The following PRKCG variants were observed in gnomAD, a reference collection of about 807,000 sequenced individuals.
The protein encoded by PRKCG is protein kinase C gamma.
Under a neutral mutation model 82.0 loss-of-function variants are expected in PRKCG, and 28 were observed. That is an observed-to-expected ratio of 0.34 (90% CI 0.25 to 0.47). The LOEUF (loss-of-function observed/expected upper bound fraction) is 0.47, where lower values mean the gene tolerates loss of function less well. Ranked by LOEUF, PRKCG falls within the 20% of genes least tolerant of loss-of-function variation. The pLI, the probability that PRKCG is intolerant of heterozygous loss-of-function variation, is 1.00. For missense variants in PRKCG, 640 were observed against 952.7 expected (o/e 0.67, Z 4.32); for synonymous variants, 383 against 376.6 (o/e 1.02, Z -0.20).
chr19:53,898,782 CGG>C (rs398101280), intron 11 of PRKCG, among the ~76,000 whole-genome samples, 154 bp downstream of exon 11: 2 of 30,086 alleles, frequency 6.6e-5, no homozygotes, highest in African/African-American at 2.8e-4. Flanking sequence ...GGGGCGTGGC[CGG>C]GGGGGGGTCC....
chr19:53,906,276 C>CT (rs2068809847), intron 16 of PRKCG, 41 bp from the exon 17 acceptor site: 1 of 1,545,864 alleles, frequency 6.5e-7, no homozygotes, highest in East Asian at 2.7e-5. Context: ...GTCCGGCACT[C>CT]TGTCTGTTTG....
intron 16 of PRKCG, among the ~76,000 whole-genome samples, chr19:53,905,520 A>C (rs2068795701): frequency 6.7e-6 from 1 of 149,090 alleles, no homozygotes; most frequent in Non-Finnish European, 1.5e-5. Flanking sequence ...TCTCTTTCTG[A>C]ATCTCTGTCC....
Position 53,900,733 on chromosome 19 carries a change from A to G in PRKCG, c.1559A>G (p.Asp520Gly). 2 of 1,614,184 alleles carry G rather than the reference A, an allele frequency of 1.2e-6. No individual in the cohort carries two copies. The highest frequency in any genetic ancestry group is 1.7e-6 in the Non-Finnish European group (2 of 1,180,036). ...TTTRTFCGTP[D>G]YIAPEIIAYQ... Reference sequence around the variant, plus strand: ...ACCCGCACCTTCTGCGGGACCCCGGACTACATAGCCCCGGAGGTAACCCCA... The same window carrying G: ...ACCCGCACCTTCTGCGGGACCCCGGGCTACATAGCCCCGGAGGTAACCCCA... The change falls in exon 14 of 18, where the codon GAC (aspartate) becomes GGC (glycine). Residue 520 changes from aspartate to glycine, a missense_variant. Physicochemically the swap from Asp to Gly is moderately conservative, Grantham distance 94 (BLOSUM62 -1). Transcript: ENST00000263431. This position sits in a 1 kb window ranked among gnomAD's most constrained non-coding sequence, Gnocchi z 4.2.
chr19:53,893,393 TGA>T lies in PRKCG; in HGVS notation c.939+4_939+5del, dbSNP rs780216789. On this transcript the variant is annotated splice_donor_region_variant and intron_variant, in intron 9 of 17. Transcript: ENST00000263431. Reference sequence around the variant, plus strand: ...AACTACCCCCTGGAATTGTATGAGGTGAGTAGAACCAGGGCGTTGAATGGAGG... The same window carrying T: ...AACTACCCCCTGGAATTGTATGAGGTGTAGAACCAGGGCGTTGAATGGAGG... The T allele has an allele frequency of 6.2e-7, 1 of 1,613,356 alleles. No individual in the cohort carries two copies. Among genetic ancestry groups the T allele is most frequent in the Admixed American group, 1.7e-5 (1 of 60,018 alleles).
Position 53,893,050 on chromosome 19 carries a change from A to C in PRKCG, c.884A>C (p.Asn295Thr). The stretch of plus-strand genomic sequence containing the variant: ...AATGTGCCGGTGGCCGATGCTGACA[A>C]CTGCAGCCTCCTCCAGAAGTTTGAG... ...YYNVPVADAD[N>T]CSLLQKFEAC... is the part of the protein sequence containing the mutation. Residue 295 changes from asparagine to threonine, a missense_variant, in exon 8 of 18, where the codon AAC becomes ACC. Around this residue, in one of 7 missense-constraint regions of PRKCG, gnomAD observed 261 missense variants for 312.1 expected, o/e 0.84. Transcript: ENST00000263431. 6.2e-7 allele frequency: 1 copy of C among 1,613,844 alleles called. No homozygotes were observed. The highest frequency in any genetic ancestry group is 8.5e-7 in the Non-Finnish European group (1 of 1,179,918).
intron 9 of PRKCG, among the ~76,000 whole-genome samples, chr19:53,895,744 C>G (rs1377139000): frequency 6.6e-6 from 1 of 152,130 alleles, no homozygotes; most frequent in African/African-American, 2.4e-5. Context: ...TCAGGTGATC[C>G]TTTTGCAAAG....
At chr19:53,887,056 G>A (rs985527718) in intron 3 of PRKCG, among the ~76,000 whole-genome samples, 3 of 151,968 alleles carry the variant, frequency 2.0e-5, no homozygotes, top group African/African-American at 7.2e-5. Context: ...TGCATCACTC[G>A]GGGGTTTTTT....
At position 53,892,791 on chromosome 19, in the gene PRKCG, C is replaced by T. The variant is rs1268029690; in HGVS notation, c.821+148C>T. The T allele has an allele frequency of 1.5e-5, 12 of 812,100 alleles. No homozygotes were observed. Among genetic ancestry groups the T allele is most frequent in the Non-Finnish European group, 1.7e-5 (10 of 589,646 alleles). The allele number at this position is 812,100 out of a possible 1,614,324, so 50.3% of individuals were successfully genotyped here. A position where few individuals can be genotyped will look rare whatever the true frequency, so the allele number is the denominator to read the frequency against. Reference sequence around the variant, plus strand: ...ACACACACACACACACGCACACACACGCACACACCCCTCTCTCTCTATTCT... The same window carrying T: ...ACACACACACACACACGCACACACATGCACACACCCCTCTCTCTCTATTCT... On this transcript the variant is annotated intron_variant, in intron 7 of 17. Transcript: ENST00000263431. This position sits in a 1 kb window ranked among gnomAD's most constrained non-coding sequence, Gnocchi z 5.9.
At position 53,906,918 on chromosome 19, in the gene PRKCG, T is replaced by C; in HGVS notation, c.*23T>C. 1 of 1,612,872 alleles carries C rather than the reference T, an allele frequency of 6.2e-7. No individual in the cohort carries two copies. The highest frequency in any genetic ancestry group is 8.5e-7 in the Non-Finnish European group (1 of 1,179,716). On this transcript the variant is annotated 3_prime_UTR_variant, in exon 18 of 18. Coordinates refer to ENST00000263431, the MANE Select transcript of PRKCG (RefSeq NM_002739.5). Reference sequence around the variant, plus strand: ...TAATCTCACCCGCCGCCACTAGGTGTCCCCAACGTCCCCTCCGCCGTGCCG... The same window carrying C: ...TAATCTCACCCGCCGCCACTAGGTGCCCCCAACGTCCCCTCCGCCGTGCCG...
In PRKCG at chr19:53,889,575, G is replaced by T; in HGVS notation, c.286-63G>T. The T allele has an allele frequency of 3.2e-6, 4 of 1,243,620 alleles. No homozygotes were observed. In the Admixed American group the frequency reaches 5.2e-5, roughly 16 times the overall value. The allele number at this position is 1,243,620 out of a possible 1,614,324, so 77.0% of individuals were successfully genotyped here. A position where few individuals can be genotyped will look rare whatever the true frequency, so the allele number is the denominator to read the frequency against. On this transcript the variant is annotated intron_variant, in intron 3 of 17. Coordinates refer to ENST00000263431, the MANE Select transcript of PRKCG (RefSeq NM_002739.5). The surrounding 1 kb of genome is among the most constrained non-coding windows in gnomAD (Gnocchi z 4.4). ...CAAGGCAGGAGGAAAAGATAAAAGG[G>T]CCCCTCCCCTGGGGTTTTAGGACCC...
rs547249849 is a variant in PRKCG at position 53,888,029 on chromosome 19, G to A, written c.286-1609G>A. ...TCTGATGTATGTAACCACAGCCTCCGTGCTGTCTCCTTTTTAACAGCGACG... is the reference window on the plus strand; with the variant it reads ...TCTGATGTATGTAACCACAGCCTCCATGCTGTCTCCTTTTTAACAGCGACG... On this transcript the variant is annotated intron_variant, in intron 3 of 17. Coordinates refer to ENST00000263431, the MANE Select transcript of PRKCG (RefSeq NM_002739.5). 5.3e-5 allele frequency among the ~76,000 whole-genome samples: 8 copies of A among 152,206 alleles called. No individual in the cohort carries two copies. In the East Asian group the frequency reaches 1.5e-3, roughly 29 times the overall value.
At chr19:53,891,037 G>A (rs2068671437) in intron 5 of PRKCG, among the ~76,000 whole-genome samples, 1 of 151,646 alleles carries the variant, frequency 6.6e-6, no homozygotes, top group Non-Finnish European at 1.5e-5. Context: ...CAGGGGTGAG[G>A]ACCGTGCCCG....
In PRKCG at chr19:53,891,737, T is replaced by C; in HGVS notation, c.593T>C (p.Leu198Pro). The part of the protein sequence containing the change: ...PNGLSDPYVK[L>P]KLIPDPRNLT... ...GGTCTCTCTGATCCCTATGTGAAAC[T>C]GAAGCTCATCCCAGACCCTCGGAAC... The change falls in exon 6 of 18, where the codon CTG becomes CCG. Residue 198 changes from leucine to proline, a missense_variant. Physicochemically the swap from Leu to Pro is moderately conservative, Grantham distance 98 (BLOSUM62 -3). Coordinates refer to ENST00000263431, the MANE Select transcript of PRKCG (RefSeq NM_002739.5). The C allele has an allele frequency of 6.2e-7, 1 of 1,614,076 alleles. No individual in the cohort carries two copies. Among genetic ancestry groups the C allele is most frequent in the Non-Finnish European group, 8.5e-7 (1 of 1,180,008 alleles).
chr19:53,890,131 C>G (rs2068662749), intron 5 of PRKCG, 114 bp downstream of exon 5: 2 of 1,185,188 alleles, frequency 1.7e-6, no homozygotes, highest in African/African-American at 1.5e-5. Flanking sequence ...ACGCCTCTTT[C>G]TATGGTCACG....
intron 16 of PRKCG, among the ~76,000 whole-genome samples, chr19:53,906,072 C>CTTCTTCTTCTTCTTCTT (rs2068804789): frequency 7.6e-5 from 4 of 52,290 alleles, no homozygotes; most frequent in Non-Finnish European, 1.3e-4. Context: ...TCCTCCTCCT[C>CTTCTTCTTCTTCTTCTT]CTCCTCCTCC....
chr19:53,906,248 C>T, intron 16 of PRKCG, 69 bp from the exon 17 acceptor site: 1 of 1,545,154 alleles, frequency 6.5e-7, no homozygotes, highest in South Asian at 1.2e-5. Flanking sequence ...CTCTGTCCCT[C>T]TTTCTCTGGG....
rs2068806354 is a variant in PRKCG at position 53,906,084 on chromosome 19, C to CCTTCTTCTTCTTCCTCTTCTTCTT, written c.1765-220_1765-219insCTCTTCTTCTTCTTCTTCTTCTTC. Among the ~76,000 whole-genome samples the CCTTCTTCTTCTTCCTCTTCTTCTT allele has an allele frequency of 8.6e-4, 24 of 27,984 alleles. 2 individuals are homozygous for CCTTCTTCTTCTTCCTCTTCTTCTT. Among genetic ancestry groups the CCTTCTTCTTCTTCCTCTTCTTCTT allele is most frequent in the African/African-American group, 6.6e-3 (18 of 2,722 alleles). The allele number at this position is 27,984 out of a possible 152,430, so 18.4% of individuals were successfully genotyped here. On this transcript the variant is annotated intron_variant, in intron 16 of 17. Transcript: ENST00000263431. ...TCCTCCTCCTCCTCCTCCTCCTCCTCCTTCTTCTTCTTCTTCTTCTTCTTC... is the reference window on the plus strand; with the variant it reads ...TCCTCCTCCTCCTCCTCCTCCTCCTCCTTCTTCTTCTTCCTCTTCTTCTTCTTCTTCTTCTTCTTCTTCTTCTTC...
chr19:53,904,961 C>T lies in PRKCG; in HGVS notation c.1764+219C>T, dbSNP rs544704415. Among the ~76,000 whole-genome samples the T allele has an allele frequency of 5.9e-5, 9 of 152,290 alleles. No individual in the cohort carries two copies. The South Asian group carries it at 1.9e-3, about 32-fold the overall frequency. On this transcript the variant is annotated intron_variant, in intron 16 of 17. Transcript: ENST00000263431. Reference sequence around the variant, plus strand: ...CTGTCTCATCCTTCTCTGTGACTCCCACTCCCCAGCTCCCTGCTTGCAGGA... The same window carrying T: ...CTGTCTCATCCTTCTCTGTGACTCCTACTCCCCAGCTCCCTGCTTGCAGGA...
At position 53,883,204 on chromosome 19, in the gene PRKCG, G is replaced by A. The variant is rs2068605990; in HGVS notation, c.202+10G>A. 1.9e-6 allele frequency: 3 copies of A among 1,613,892 alleles called. No homozygotes were observed. The East Asian group carries it at 6.7e-5, about 36-fold the overall frequency. The stretch of plus-strand genomic sequence containing the variant: ...GGCCTGCAATGTCAAGGTAAGAGCT[G>A]GGGACCGGGGCTCCTGGGACCCTCA... On this transcript the variant is annotated intron_variant, in intron 2 of 17. Coordinates refer to ENST00000263431, the MANE Select transcript of PRKCG (RefSeq NM_002739.5). The surrounding 1 kb of genome is among the most constrained non-coding windows in gnomAD (Gnocchi z 5.4).
Sources: allele counts gnomAD v4.1 joint callset (sites outside exome capture counted in the v4.1 genomes callset), GRCh38; gene constraint gnomAD v4.1.1; regional missense constraint gnomAD v4.1.1; non-coding constraint Gnocchi (gnomAD v3.1); transcripts MANE v1.5; gene names NCBI Gene and HGNC (gene_info 2026-07-23, HGNC 2026-07-21).